CFAP54: variants seen among roughly 807,000 people sequenced by gnomAD.
The protein encoded by CFAP54 is cilia- and flagella-associated protein 54.
A neutral mutation model predicts 370.4 loss-of-function variants in CFAP54; 290 were observed. The observed-to-expected ratio is 0.78, with a 90% CI of 0.71 to 0.86. The LOEUF is 0.86. CFAP54 is among the 40% of genes least tolerant of loss of function. The pLI is 0.00. For synonymous variants in CFAP54, 1,206 were observed against 1,236.5 expected, an observed-to-expected ratio of 0.98 and a Z score of 0.52; for missense variants, 3,399 against 3,528.7, an observed-to-expected ratio of 0.96 and a Z score of 0.93.
intron 62 of CFAP54, 66 bp from the exon 63 acceptor site, chr12:96,792,263 A>T (rs1958707339): frequency 1.5e-6 from 2 of 1,326,340 alleles, no homozygotes; most frequent in Non-Finnish European, 2.0e-6. Context: ...TAGCCAAATA[A>T]TTTGTTTCAT....
At chr12:96,622,329 G>T (rs185847671) in intron 27 of CFAP54, among the ~76,000 whole-genome samples, 8 of 29,402 alleles carry the variant, frequency 2.7e-4, no homozygotes, top group South Asian at 1.8e-3. Context: ...CTGCCCGCCC[G>T]CCCTCCCTCC....
intron 33 of CFAP54, 33 bp from the exon 34 acceptor site, chr12:96,647,842 T>A: frequency 6.8e-7 from 1 of 1,472,694 alleles, no homozygotes; most frequent in South Asian, 1.4e-5. Context: ...TTTGCTTATA[T>A]TGTTTTTTAA....
At chr12:96,646,835 A>G (rs1956799158) in intron 33 of CFAP54, 2 of 152,354 alleles carry the variant, frequency 1.3e-5, no homozygotes, top group Admixed American at 1.3e-4. Flanking sequence ...TATCATTCTC[A>G]GCAAACTATC....
chr12:96,489,592 G>C lies in CFAP54; in HGVS notation c.-18G>C, dbSNP rs1565871650. 2.0e-6 allele frequency: 3 copies of C among 1,502,198 alleles called. No homozygotes were observed. Among genetic ancestry groups the C allele is most frequent in the Admixed American group, 4.2e-5 (2 of 47,916 alleles). The allele number at this position is 1,502,198 out of a possible 1,614,324, so 93.1% of individuals were successfully genotyped here. The stretch of plus-strand genomic sequence containing the variant: ...AACCGCGTGTACACATACTCCAGGC[G>C]GGCCGGGGCGCGTCAATATGGCGGC... On this transcript the variant is annotated 5_prime_UTR_variant, in exon 1 of 68. Coordinates refer to ENST00000524981, the MANE Select transcript of CFAP54 (RefSeq NM_001306084.2).
At chr12:96,686,485 A>G (rs1957331561) in intron 42 of CFAP54, among the ~76,000 whole-genome samples, 2 of 152,196 alleles carry the variant, frequency 1.3e-5, no homozygotes, top group Admixed American at 1.3e-4. Context: ...AGAGCATGGT[A>G]CCAGCATCTG....
intron 17 of CFAP54, among the ~76,000 whole-genome samples, chr12:96,561,475 C>T (rs1170964385): frequency 6.6e-6 from 1 of 152,082 alleles, no homozygotes; most frequent in Non-Finnish European, 1.5e-5. Flanking sequence ...TGAAAACAGA[C>T]TAATACAGCC....
intron 4 of CFAP54, among the ~76,000 whole-genome samples, chr12:96,511,713 A>G (rs747549816): frequency 1.1e-4 from 16 of 152,162 alleles, no homozygotes; most frequent in Non-Finnish European, 2.2e-4. Flanking sequence ...CGAATTCCTG[A>G]CCTCAGGTGT....
intron 34 of CFAP54, among the ~76,000 whole-genome samples, chr12:96,649,622 T>C (rs966584983): frequency 3.3e-5 from 5 of 152,250 alleles, no homozygotes; most frequent in African/African-American, 9.6e-5. Flanking sequence ...TTCCTACTTC[T>C]GCATTGTTCC....
chr12:96,689,937 G>A (rs1957372037), intron 43 of CFAP54, among the ~76,000 whole-genome samples: 1 of 152,104 alleles, frequency 6.6e-6, no homozygotes, highest in African/African-American at 2.4e-5. Flanking sequence ...TGAATGGAAG[G>A]CCAGACTTTT....
chr12:96,725,887 G>C (rs1485924835), intron 50 of CFAP54, among the ~76,000 whole-genome samples: 518 of 150,192 alleles, frequency 3.4e-3, no homozygotes, highest in African/African-American at 0.012. Context: ...TAGCATGAAG[G>C]GTTGTTGAAT....
chr12:96,874,669 G>GC (rs1190979349), intron 67 of CFAP54, among the ~76,000 whole-genome samples: 1 of 114,966 alleles, frequency 8.7e-6, no homozygotes, highest in Non-Finnish European at 1.7e-5. Flanking sequence ...TCGCTCTGTC[G>GC]CCCAGGCTGG....
chr12:96,535,532 T>G lies in CFAP54; in HGVS notation c.1723T>G (p.Cys575Gly), dbSNP rs932378660. 1 of 1,535,502 alleles carries G rather than the reference T, an allele frequency of 6.5e-7. No homozygotes were observed. Among genetic ancestry groups the G allele is most frequent in the South Asian group, 1.2e-5 (1 of 83,998 alleles). Reference protein sequence around the residue: ...IAVHDTCLKTCGYSEDIFHLA... With the variant: ...IAVHDTCLKTGGYSEDIFHLA... Reference sequence around the variant, plus strand: ...GAACTTAGATACTTGTTTGAAGACTTGTGGATATTCAGAGGATATTTTCCA... The same window carrying G: ...GAACTTAGATACTTGTTTGAAGACTGGTGGATATTCAGAGGATATTTTCCA... Residue 575 changes from cysteine (C) to glycine (G), a missense_variant, in exon 12 of 68, where the codon TGT (cysteine) becomes GGT (glycine). Cys to Gly is a radical substitution (Grantham distance 159). This residue lies in a region of CFAP54 where 2,796 missense variants were observed against 2,869.7 expected (regional missense o/e 0.97). Coordinates refer to ENST00000524981, the MANE Select transcript of CFAP54 (RefSeq NM_001306084.2).
At chr12:96,678,245 C>A (rs1957232721) in intron 39 of CFAP54, among the ~76,000 whole-genome samples, 1 of 151,964 alleles carries the variant, frequency 6.6e-6, no homozygotes, top group South Asian at 2.1e-4. Flanking sequence ...CTTCTATACC[C>A]CTTCGTTTTT....
At chr12:96,518,902 A>G (rs1240799506) in intron 5 of CFAP54, 26 bp from the exon 6 acceptor site, 2 of 1,504,112 alleles carry the variant, frequency 1.3e-6, no homozygotes, top group South Asian at 2.5e-5. Context: ...ATGAAAACAA[A>G]TCCAATGGTG....
At chr12:96,716,723 A>G (rs979023700) in intron 48 of CFAP54, among the ~76,000 whole-genome samples, 1 of 152,208 alleles carries the variant, frequency 6.6e-6, no homozygotes, top group Non-Finnish European at 1.5e-5. Context: ...TTGCCTAGAA[A>G]GCCATAGGGT....
intron 30 of CFAP54, among the ~76,000 whole-genome samples, chr12:96,628,562 G>A (rs567783700): frequency 6.6e-6 from 1 of 152,304 alleles, no homozygotes; most frequent in South Asian, 2.1e-4. Flanking sequence ...GCAGTCTTAG[G>A]CTGCAAGTTG....
rs1286973872 is a variant in CFAP54 at position 96,580,713 on chromosome 12, A to T, written c.2889+24A>T. On this transcript the variant is annotated intron_variant, in intron 21 of 67. Coordinates refer to ENST00000524981, the MANE Select transcript of CFAP54 (RefSeq NM_001306084.2). ...CGGTACGTCAAATTAAACATCAGGA[A>T]ATCTTACTGAAGCCTTTAATGATAA... 3.6e-6 allele frequency: 5 copies of T among 1,382,470 alleles called. No homozygotes were observed. The African/African-American group carries it at 7.2e-5, about 20-fold the overall frequency. 85.6% of individuals were successfully genotyped at this position (1,382,470 alleles called of 1,614,324 possible). A position where few individuals can be genotyped will look rare whatever the true frequency, so the allele number is the denominator to read the frequency against.
chr12:96,783,280 G>A (rs898106207), intron 60 of CFAP54, among the ~76,000 whole-genome samples: 5 of 152,306 alleles, frequency 3.3e-5, no homozygotes, highest in South Asian at 2.1e-4. Flanking sequence ...CGGCTTATAA[G>A]ATACTCCCAA....
At chr12:96,606,677 C>T (rs192899512) in intron 26 of CFAP54, among the ~76,000 whole-genome samples, 320 of 152,210 alleles carry the variant, frequency 2.1e-3, no homozygotes, top group African/African-American at 7.3e-3. Flanking sequence ...GTAGCCTGAG[C>T]GGGCCAGTTG....
Sources: gnomAD v4.1 joint callset for allele counts (sites outside exome capture counted in the v4.1 genomes callset) on GRCh38, gnomAD v4.1.1 for gene constraint, gnomAD v4.1.1 regional missense constraint, MANE v1.5 for transcripts, NCBI Gene and HGNC (gene_info 2026-07-23, HGNC 2026-07-21) for gene names.